The following BORCS7 variants were observed in gnomAD, a reference collection of about 807,000 sequenced individuals.
BORCS7 encodes BLOC-1 related complex subunit 7.
In BORCS7, 20 loss-of-function variants were observed where a neutral mutation model predicts 17.5. The observed-to-expected ratio is 1.14, with a 90% confidence interval of 0.80 to 1.66. The LOEUF is 1.66. Among genes scored for constraint, BORCS7 ranks in the 40% most tolerant of loss-of-function variants. The pLI is 0.00. For missense variants in BORCS7, 122 were observed against 129.7 expected (o/e 0.94, Z 0.29); for synonymous variants, 57 against 49.8 (o/e 1.14, Z -0.61).
chr10:102,858,207 CGAGAGA>C (rs148405072), intron 1 of BORCS7, among the ~76,000 whole-genome samples: 16 of 121,262 alleles, frequency 1.3e-4, no homozygotes, highest in Non-Finnish European at 2.1e-4. Flanking sequence ...AGAGAGCGAG[CGAGAGA>C]GAGAGAGAGA....
intron 3 of BORCS7, 140 bp downstream of exon 3, chr10:102,860,681 T>A: frequency 1.2e-6 from 1 of 821,392 alleles, no homozygotes; most frequent in Non-Finnish European, 2.0e-6. Flanking sequence ...ACTTTCTCGA[T>A]GGCAAAGATG....
At chr10:102,858,501 T>C (rs925895578) in intron 1 of BORCS7, among the ~76,000 whole-genome samples, 2 of 151,564 alleles carry the variant, frequency 1.3e-5, no homozygotes, top group Non-Finnish European at 2.9e-5. Context: ...AATATAAAAA[T>C]TAGGTGAGCG....
At position 102,855,137 on chromosome 10, in the gene BORCS7, C is replaced by T. The variant is rs1844406205; in HGVS notation, c.141+710C>T. Among the ~76,000 whole-genome samples, 3 of 148,852 alleles carry T rather than the reference C, an allele frequency of 2.0e-5. No individual in the cohort carries two copies. In the South Asian group the frequency reaches 6.4e-4, roughly 32 times the overall value. On this transcript the variant is annotated intron_variant, in intron 1 of 4. Transcript: ENST00000339834. Reference sequence around the variant, plus strand: ...TTAATTCATGAAGTCTTTAGAATGACTAATTGAAGGAAGTACTTTTCCTTT... The same window carrying T: ...TTAATTCATGAAGTCTTTAGAATGATTAATTGAAGGAAGTACTTTTCCTTT...
rs1164408763 is a variant in BORCS7, at chr10:102,863,388, T to G, written c.*464T>G. On this transcript the variant is annotated 3_prime_UTR_variant, in exon 5 of 5. Coordinates refer to ENST00000339834, the MANE Select transcript of BORCS7 (RefSeq NM_001136200.2). ...AAGTTCTGTGTTGATGTACAGTTTC[T>G]CCTAAGAAGAAGCGAGGTGGTTGAA... The G allele has an allele frequency of 6.5e-6, 1 of 152,884 alleles. No individual in the cohort carries two copies. The highest frequency in any genetic ancestry group is 2.4e-5 in the African/African-American group (1 of 41,414). The allele number at this position is 152,884 out of a possible 1,614,324, so 9.5% of individuals were successfully genotyped here.
rs1471091265 is a variant in BORCS7 at position 102,860,329 on chromosome 10, C to T, written c.142-3C>T. The T allele has an allele frequency of 3.1e-6, 5 of 1,613,368 alleles. No homozygotes were observed. The highest frequency in any genetic ancestry group is 4.2e-6 in the Non-Finnish European group (5 of 1,179,610). On this transcript the variant is annotated splice_region_variant and splice_polypyrimidine_tract_variant and intron_variant, in intron 1 of 4. Transcript: ENST00000339834. Reference sequence around the variant, plus strand: ...TTATTACCATTTTATTTTTGTCTTCCAGCTGCTAGGTCAGGCAGCTCGAAA... The same window carrying T: ...TTATTACCATTTTATTTTTGTCTTCTAGCTGCTAGGTCAGGCAGCTCGAAA...
chr10:102,860,249 G>A, intron 1 of BORCS7, 83 bp from the exon 2 acceptor site: 1 of 1,133,104 alleles, frequency 8.8e-7, no homozygotes, highest in Non-Finnish European at 1.3e-6. Flanking sequence ...AGAGGAGAGA[G>A]GGTAGTAGTG....
rs755738265 is a variant in BORCS7 at position 102,862,864 on chromosome 10, A to G, written c.270-9A>G. The G allele has an allele frequency of 6.3e-7, 1 of 1,599,886 alleles. No individual in the cohort carries two copies. The highest frequency in any genetic ancestry group is 8.6e-7 in the Non-Finnish European group (1 of 1,167,160). The stretch of plus-strand genomic sequence containing the variant: ...TTCAGATAAACCCTGTCTCTATTCT[A>G]ATTCCTAGTGTTGAACAGTCATCGG... On this transcript the variant is annotated splice_polypyrimidine_tract_variant and intron_variant, in intron 4 of 4. Transcript: ENST00000339834.
Position 102,854,277 on chromosome 10 carries a change from G to C in BORCS7, c.-10G>C, listed in dbSNP as rs368899901. On this transcript the variant is annotated 5_prime_UTR_variant, in exon 1 of 5. Coordinates refer to ENST00000339834, the MANE Select transcript of BORCS7 (RefSeq NM_001136200.2). ...CACCATCGTCAGTGCGCAACCGTTC[G>C]CTAACTGAAATGATGGCGACTGGAA... The C allele has an allele frequency of 2.5e-6, 4 of 1,605,004 alleles. No individual in the cohort carries two copies. Among genetic ancestry groups the C allele is most frequent in the Non-Finnish European group, 3.4e-6 (4 of 1,175,946 alleles).
At position 102,863,535 on chromosome 10, in the gene BORCS7, T is replaced by C. The variant is rs1424936152; in HGVS notation, c.*611T>C. 1 of 152,198 alleles carries C rather than the reference T, an allele frequency of 6.6e-6. No homozygotes were observed. Among genetic ancestry groups the C allele is most frequent in the African/African-American group, 2.4e-5 (1 of 41,456 alleles). 9.4% of individuals were successfully genotyped at this position (152,198 alleles called of 1,614,324 possible). On this transcript the variant is annotated 3_prime_UTR_variant, in exon 5 of 5. Coordinates refer to ENST00000339834, the MANE Select transcript of BORCS7 (RefSeq NM_001136200.2). The stretch of plus-strand genomic sequence containing the variant: ...TTAGTTTTTCCTATAGAACTTTTAA[T>C]ATGTCAAAAGCTATATTGTCTAAAT...
At chr10:102,858,639 T>TA (rs1433261843) in intron 1 of BORCS7, among the ~76,000 whole-genome samples, 1 of 151,930 alleles carries the variant, frequency 6.6e-6, no homozygotes, top group African/African-American at 2.4e-5. Flanking sequence ...GACAGAGTGA[T>TA]ACCCTGTTTC....
At chr10:102,855,001 A>G in intron 1 of BORCS7, among the ~76,000 whole-genome samples, 1 of 147,638 alleles carries the variant, frequency 6.8e-6, no homozygotes, top group Non-Finnish European at 1.5e-5. Context: ...TATATTTTCA[A>G]CTAGAGGTGT....
At chr10:102,860,419 T>G (rs1317677971) in intron 2 of BORCS7, 25 bp downstream of exon 2, 1 of 1,611,286 alleles carries the variant, frequency 6.2e-7, no homozygotes, top group South Asian at 1.1e-5. Flanking sequence ...TTTTTTTTAA[T>G]GATTTGGGTT....
chr10:102,862,390 C>G (rs188879607), intron 4 of BORCS7, among the ~76,000 whole-genome samples: 2 of 152,248 alleles, frequency 1.3e-5, no homozygotes, highest in Non-Finnish European at 2.9e-5. Flanking sequence ...GTAAAACTTT[C>G]TAAAAGTTAT....
At position 102,864,646 on chromosome 10, in the gene BORCS7, C is replaced by T. The variant is rs574244347; in HGVS notation, c.*1722C>T. ...TAAAATTTATATTAAATAATGAAAA[C>T]GTATTTGTACTGAATTTAGTCACTA... On this transcript the variant is annotated 3_prime_UTR_variant, in exon 5 of 5. Coordinates refer to ENST00000339834, the MANE Select transcript of BORCS7 (RefSeq NM_001136200.2). 4.0e-5 allele frequency: 6 copies of T among 151,840 alleles called. No homozygotes were observed. Among genetic ancestry groups the T allele is most frequent in the African/African-American group, 9.7e-5 (4 of 41,350 alleles). The allele number at this position is 151,840 out of a possible 1,614,324, so 9.4% of individuals were successfully genotyped here.
In BORCS7 at chr10:102,863,636, T is replaced by C. The variant is rs1844554701; in HGVS notation, c.*712T>C. The C allele has an allele frequency of 1.3e-5, 2 of 152,212 alleles. No homozygotes were observed. Among genetic ancestry groups the C allele is most frequent in the Non-Finnish European group, 2.9e-5 (2 of 68,028 alleles). 9.4% of individuals were successfully genotyped at this position (152,212 alleles called of 1,614,324 possible). A position where few individuals can be genotyped will look rare whatever the true frequency, so the allele number is the denominator to read the frequency against. ...TTCTATTATGAACACATGAGAATGA[T>C]TTTTTTCTCTTAATCATTATTAAGG... On this transcript the variant is annotated 3_prime_UTR_variant, in exon 5 of 5. Transcript: ENST00000339834.
In BORCS7 at chr10:102,860,398, A is replaced by C; in HGVS notation, c.204+4A>C. On this transcript the variant is annotated splice_donor_region_variant and intron_variant, in intron 2 of 4. Transcript: ENST00000339834. ...TGCCATCTTGCACTCAGAAGATGTA[A>C]GAAACAACTTTTTTTTTTAATGATT... The C allele has an allele frequency of 6.2e-7, 1 of 1,613,966 alleles. No homozygotes were observed. The highest frequency in any genetic ancestry group is 8.5e-7 in the Non-Finnish European group (1 of 1,179,870).
intron 1 of BORCS7, among the ~76,000 whole-genome samples, chr10:102,860,062 C>G (rs1397334247): frequency 6.6e-6 from 1 of 152,168 alleles, no homozygotes; most frequent in African/African-American, 2.4e-5. Context: ...TACACTGTGC[C>G]AACAGCCCAG....
rs1323309879 is a variant in BORCS7, at chr10:102,864,924, A to G, written c.*2000A>G. 6.6e-6 allele frequency: 1 copy of G among 152,210 alleles called. No homozygotes were observed. Among genetic ancestry groups the G allele is most frequent in the Non-Finnish European group, 1.5e-5 (1 of 68,030 alleles). The allele number at this position is 152,210 out of a possible 1,614,324, so 9.4% of individuals were successfully genotyped here. A position where few individuals can be genotyped will look rare whatever the true frequency, so the allele number is the denominator to read the frequency against. ...AAGAAAATTTGTGTGATAATACCAA[A>G]GCAGTACTATAAGAAAATAAGCATG... On this transcript the variant is annotated 3_prime_UTR_variant, in exon 5 of 5. Transcript: ENST00000339834.
chr10:102,854,623 G>C, intron 1 of BORCS7, 196 bp downstream of exon 1: 2 of 547,342 alleles, frequency 3.7e-6, no homozygotes, highest in Non-Finnish European at 5.8e-6. Context: ...TGTGAGGGTT[G>C]GGGGAAGAAG....
Sources: gnomAD v4.1 joint callset for allele counts (sites outside exome capture counted in the v4.1 genomes callset) on GRCh38, gnomAD v4.1.1 for gene constraint, MANE v1.5 for transcripts, NCBI Gene and HGNC (gene_info 2026-07-23, HGNC 2026-07-21) for gene names.